Variants in HACE1 observed in about 807,000 individuals in gnomAD.
HACE1 encodes the protein E3 ubiquitin-protein ligase HACE1.
Under a neutral mutation model 118.4 loss-of-function variants are expected in HACE1, and 73 were observed. The observed-to-expected ratio is 0.62, with a 90% CI of 0.51 to 0.75. HACE1 has a LOEUF of 0.75. HACE1 is among the 30% of genes least tolerant of loss of function. The pLI is 0.00. For missense variants in HACE1, 749 were observed against 1,102.2 expected (o/e 0.68, Z 4.54); for synonymous variants, 368 against 374.8 (o/e 0.98, Z 0.21).
At chr6:104,818,060 A>G (rs1772300102) in intron 6 of HACE1, among the ~76,000 whole-genome samples, 1 of 152,196 alleles carries the variant, frequency 6.6e-6, no homozygotes, top group African/African-American at 2.4e-5. Flanking sequence ...TAATACTAAT[A>G]AAATATTTTT....
At chr6:104,751,950 C>CCAAA (rs1321896866) in intron 19 of HACE1, among the ~76,000 whole-genome samples, 10 of 109,266 alleles carry the variant, frequency 9.2e-5, no homozygotes, top group African/African-American at 3.9e-4. Flanking sequence ...ACAAAAAAAA[C>CCAAA]CAAACAAAAA....
chr6:104,742,247 A>G (rs1179445925), intron 22 of HACE1, among the ~76,000 whole-genome samples: 3 of 136,768 alleles, frequency 2.2e-5, no homozygotes, highest in Admixed American at 7.2e-5. Context: ...GGACATAGGC[A>G]TGGGCAAGGA....
At chr6:104,768,312 C>G (rs1329086254) in intron 19 of HACE1, among the ~76,000 whole-genome samples, 2 of 151,698 alleles carry the variant, frequency 1.3e-5, no homozygotes. Flanking sequence ...AACTTTCTAC[C>G]TATAAAGTAA....
intron 11 of HACE1, among the ~76,000 whole-genome samples, chr6:104,788,045 T>C (rs952899088): frequency 3.9e-5 from 6 of 152,142 alleles, no homozygotes; most frequent in African/African-American, 1.2e-4. Flanking sequence ...AGAAAATTCA[T>C]TCTTCAATCA....
chr6:104,788,305 A>C (rs1238944516), intron 11 of HACE1, among the ~76,000 whole-genome samples: 3 of 152,110 alleles, frequency 2.0e-5, no homozygotes, highest in Non-Finnish European at 4.4e-5. Flanking sequence ...TGCTTCATTC[A>C]TTATTATTGA....
rs752844233 is a variant in HACE1 at position 104,729,681 on chromosome 6, T to C, written c.2711A>G (p.Tyr904Cys). 1.3e-5 allele frequency: 19 copies of C among 1,514,192 alleles called. No homozygotes were observed. Among genetic ancestry groups the C allele is most frequent in the South Asian group, 6.7e-5 (6 of 89,124 alleles). The allele number at this position is 1,514,192 out of a possible 1,614,324, so 93.8% of individuals were successfully genotyped here. A position where few individuals can be genotyped will look rare whatever the true frequency, so the allele number is the denominator to read the frequency against. The change falls in exon 24 of 24, where the codon TAT (tyrosine) becomes TGT (cysteine). Residue 904 changes from tyrosine to cysteine, a missense_variant. Transcript: ENST00000262903. ...ACTTCATTATGCCATTGTGTAACCA[T>C]AGCTGCCACAATGTAGTGCCACAAG... ...RLLVALHCGS[Y>C]GYTMA
chr6:104,775,456 T>A (rs1781133740), intron 17 of HACE1, among the ~76,000 whole-genome samples: 1 of 152,058 alleles, frequency 6.6e-6, no homozygotes, highest in Admixed American at 6.5e-5. Context: ...ATCTGTAACA[T>A]TAAGGAAGTA....
At chr6:104,771,065 A>G (rs1780550112) in intron 19 of HACE1, 128 bp downstream of exon 19, 3 of 672,364 alleles carry the variant, frequency 4.5e-6, no homozygotes, top group East Asian at 2.7e-5. Flanking sequence ...ATTAACTTAA[A>G]CGTTTTATCT....
chr6:104,817,308 G>A (rs1325951523), intron 6 of HACE1, among the ~76,000 whole-genome samples: 1 of 152,048 alleles, frequency 6.6e-6, no homozygotes, highest in Non-Finnish European at 1.5e-5. Context: ...GGATCATAGG[G>A]GCAAATTTCT....
chr6:104,752,853 C>T (rs1266483068), intron 19 of HACE1, among the ~76,000 whole-genome samples: 2 of 151,942 alleles, frequency 1.3e-5, no homozygotes, highest in East Asian at 3.9e-4. Context: ...GTTATTGATA[C>T]CAATTTTTGA....
chr6:104,803,860 G>A (rs1003809362), intron 7 of HACE1, among the ~76,000 whole-genome samples: 6 of 152,298 alleles, frequency 3.9e-5, no homozygotes, highest in Admixed American at 3.9e-4. Context: ...GGAAGTTCTA[G>A]CCAGGGCAAT....
Position 104,744,225 on chromosome 6 carries a change from G to A in HACE1, c.2448C>T (p.Phe816=). Residue 816 remains phenylalanine (F), a synonymous_variant, in exon 22 of 24, where the codon TTC becomes TTT. Coordinates refer to ENST00000262903, the MANE Select transcript of HACE1 (RefSeq NM_020771.4). The part of the protein sequence containing the change: ...YEREDPVIQW[F]WEVVEDITQE... ...GAGTAATGTCTTCTACAACTTCCCA[G>A]AACCACTAACAACAAGAACAAAAAA... 2 of 1,588,098 alleles carry A rather than the reference G, an allele frequency of 1.3e-6. No individual in the cohort carries two copies. The highest frequency in any genetic ancestry group is 1.5e-5 in the African/African-American group (1 of 67,280).
intron 19 of HACE1, among the ~76,000 whole-genome samples, chr6:104,753,853 CA>C (rs1450630655): frequency 1.3e-5 from 2 of 152,164 alleles, no homozygotes; most frequent in Non-Finnish European, 2.9e-5. Context: ...TCTTCTCCTC[CA>C]AATGACCGCA....
At chr6:104,811,279 T>C (rs1273118210) in intron 7 of HACE1, 32 bp downstream of exon 7, 1 of 680,326 alleles carries the variant, frequency 1.5e-6, no homozygotes. Context: ...TATATGAGCA[T>C]ATATAGCATC....
chr6:104,850,109 C>T (rs1040102343), intron 3 of HACE1, among the ~76,000 whole-genome samples: 1 of 151,904 alleles, frequency 6.6e-6, no homozygotes, highest in African/African-American at 2.4e-5. Flanking sequence ...GCCATCACGC[C>T]GAGCTGATTT....
At chr6:104,835,946 G>C (rs1239344159) in intron 5 of HACE1, among the ~76,000 whole-genome samples, 1 of 152,194 alleles carries the variant, frequency 6.6e-6, no homozygotes, top group Non-Finnish European at 1.5e-5. Flanking sequence ...ATGATGTCTT[G>C]TCTAGATTGT....
intron 17 of HACE1, among the ~76,000 whole-genome samples, chr6:104,775,178 C>T (rs1377372338): frequency 1.3e-5 from 2 of 152,048 alleles, no homozygotes; most frequent in Non-Finnish European, 2.9e-5. Flanking sequence ...CTCATCTCCA[C>T]AAAAAGAATA....
At chr6:104,761,445 G>A (rs951419168) in intron 19 of HACE1, among the ~76,000 whole-genome samples, 26 of 152,122 alleles carry the variant, frequency 1.7e-4, no homozygotes, top group African/African-American at 6.3e-4. Context: ...TAAGCAATAG[G>A]GAAAAGATTC....
intron 6 of HACE1, among the ~76,000 whole-genome samples, chr6:104,830,357 T>C (rs1440921302): frequency 2.0e-5 from 3 of 152,180 alleles, no homozygotes; most frequent in Non-Finnish European, 4.4e-5. Context: ...AGAATATACT[T>C]GAAAACACTG....
Sources: allele counts gnomAD v4.1 joint callset (sites outside exome capture counted in the v4.1 genomes callset), GRCh38; gene constraint gnomAD v4.1.1; transcripts MANE v1.5; gene names NCBI Gene and HGNC (gene_info 2026-07-23, HGNC 2026-07-21).